KCNG2: variants seen among roughly 807,000 people sequenced by gnomAD.
KCNG2 encodes the protein potassium voltage-gated channel modifier subfamily G member 2.
A neutral mutation model predicts 12.3 loss-of-function variants in KCNG2; 7 were observed. The observed-to-expected ratio is 0.57, with a 90% CI of 0.32 to 1.07. The LOEUF (loss-of-function observed/expected upper bound fraction) is 1.07, where lower values mean the gene tolerates loss of function less well. Among genes scored for constraint, KCNG2 ranks in the 50% least tolerant of loss-of-function variants. The probability of loss-of-function intolerance (pLI) is 0.04; values close to 1 mark genes in which losing one functional copy is unlikely to be tolerated. For synonymous variants in KCNG2, 414 were observed against 351.4 expected, an observed-to-expected ratio of 1.18 and a Z score of -1.99; for missense variants, 703 against 726.0, an observed-to-expected ratio of 0.97 and a Z score of 0.36.
intron 1 of KCNG2, among the ~76,000 whole-genome samples, chr18:79,829,300 G>T (rs1365062508): frequency 6.6e-6 from 1 of 151,546 alleles, no homozygotes; most frequent in Non-Finnish European, 1.5e-5. Flanking sequence ...GCATGTATCT[G>T]TGTGTGTGTC....
intron 3 of KCNG2, among the ~76,000 whole-genome samples, chr18:79,895,016 G>A (rs906980365): frequency 6.6e-6 from 1 of 150,888 alleles, no homozygotes; most frequent in South Asian, 2.1e-4. Context: ...CTAGTGTTAC[G>A]ATTGATATAG....
At chr18:79,852,606 G>A (rs1978863012) in intron 1 of KCNG2, among the ~76,000 whole-genome samples, 1 of 152,274 alleles carries the variant, frequency 6.6e-6, no homozygotes. Flanking sequence ...CCCTGACAGT[G>A]ACGATCGCAT....
In KCNG2 at chr18:79,864,006, G is replaced by A; in HGVS notation, c.339G>A (p.Ala113=). Reference sequence around the variant, plus strand: ...TGGCCTACTGGGGCATCGACGAGGCGCGCCTGGAGCGCTGCTGCCTGCGCC... The same window carrying A: ...TGGCCTACTGGGGCATCGACGAGGCACGCCTGGAGCGCTGCTGCCTGCGCC... ...DELAYWGIDE[A]RLERCCLRRL... Residue 113 remains alanine (A), a synonymous_variant, in exon 3 of 4, where the codon GCG becomes GCA. Coordinates refer to ENST00000316249, the MANE Select transcript of KCNG2 (RefSeq NM_012283.2). 8.5e-7 allele frequency: 1 copy of A among 1,182,048 alleles called. No homozygotes were observed. The highest frequency in any genetic ancestry group is 1.0e-6 in the Non-Finnish European group (1 of 954,122). The allele number at this position is 1,182,048 out of a possible 1,614,324, so 73.2% of individuals were successfully genotyped here. A position where few individuals can be genotyped will look rare whatever the true frequency, so the allele number is the denominator to read the frequency against.
chr18:79,851,914 C>T (rs1433613720), intron 1 of KCNG2, among the ~76,000 whole-genome samples: 1 of 152,220 alleles, frequency 6.6e-6, no homozygotes, highest in Non-Finnish European at 1.5e-5. Flanking sequence ...GCTGTCAGTC[C>T]TCACAACAGC....
chr18:79,894,101 A>C (rs897338752), intron 3 of KCNG2, among the ~76,000 whole-genome samples: 26 of 151,090 alleles, frequency 1.7e-4, no homozygotes, highest in Admixed American at 1.1e-3. Context: ...CACGCCATTC[A>C]TAATGATTGA....
chr18:79,813,550 C>T (rs1307567935), intron 1 of KCNG2, among the ~76,000 whole-genome samples: 7 of 152,154 alleles, frequency 4.6e-5, no homozygotes, highest in African/African-American at 7.2e-5. Context: ...GGTGGGGTAG[C>T]GTGGAGGGAG....
chr18:79,888,224 G>T lies in KCNG2; in HGVS notation c.625-10816G>T, dbSNP rs374630581. Among the ~76,000 whole-genome samples the T allele has an allele frequency of 3.3e-5, 5 of 152,328 alleles. No homozygotes were observed. In the East Asian group the frequency reaches 7.7e-4, roughly 24 times the overall value. ...CCAGATTCAGTCCCGTCCACGCGGT[G>T]GGGACCACGTTTGGGGTGGCACGCT... On this transcript the variant is annotated intron_variant, in intron 3 of 3. Coordinates refer to ENST00000316249, the MANE Select transcript of KCNG2 (RefSeq NM_012283.2).
In KCNG2 at chr18:79,899,376, G is replaced by A. The variant is rs752015954; in HGVS notation, c.961G>A (p.Glu321Lys). The A allele has an allele frequency of 1.6e-5, 25 of 1,561,718 alleles. No homozygotes were observed. Among genetic ancestry groups the A allele is most frequent in the Non-Finnish European group, 2.0e-5 (23 of 1,159,932 alleles). ...LGLTMRRCAR[E>K]FGLLLLFLCV... ...CCTGACCATGCGCCGCTGCGCGCGC[G>A]AGTTCGGGCTGCTGCTGCTGTTCCT... is the stretch of plus-strand genomic sequence containing the variant. Residue 321 changes from glutamate to lysine, a missense_variant, in exon 4 of 4, where the codon GAG becomes AAG. Physicochemically the swap from Glu to Lys is moderately conservative, Grantham distance 56 (BLOSUM62 1). Transcript: ENST00000316249.
intron 1 of KCNG2, among the ~76,000 whole-genome samples, chr18:79,832,852 A>C (rs990015237): frequency 6.6e-6 from 1 of 152,094 alleles, no homozygotes. Context: ...CTCCTCTGGG[A>C]GGGCTCCTGC....
At chr18:79,867,176 G>C (rs995932477) in intron 3 of KCNG2, among the ~76,000 whole-genome samples, 3 of 151,714 alleles carry the variant, frequency 2.0e-5, no homozygotes, top group African/African-American at 7.3e-5. Context: ...GGTGCTGAGA[G>C]GTCTGGGTGC....
In KCNG2 at chr18:79,880,771, C is replaced by T. The variant is rs1441186647; in HGVS notation, c.624+16480C>T. ...CATCACGGCCAACTGAGGTTTTTCT[C>T]AGGAAAGCAAGCTTGGTTCGATACT... On this transcript the variant is annotated intron_variant, in intron 3 of 3. Transcript: ENST00000316249. 2.0e-5 allele frequency among the ~76,000 whole-genome samples: 3 copies of T among 152,192 alleles called. No homozygotes were observed. The East Asian group carries it at 5.8e-4, about 29-fold the overall frequency.
rs1242054654 is a variant in KCNG2, at chr18:79,822,444, GTTA to G, written c.-115+24436_-115+24438del. On this transcript the variant is annotated intron_variant, in intron 1 of 3. Transcript: ENST00000316249. This position sits in a 1 kb window ranked among gnomAD's most constrained non-coding sequence, Gnocchi z 4.4. Reference sequence around the variant, plus strand: ...TTTCACAATATTGATACTTTTTAAAGTTATTATTTTTTTGAGACAGGGTCTCAC... The same window carrying G: ...TTTCACAATATTGATACTTTTTAAAGTTATTTTTTTGAGACAGGGTCTCAC... Among the ~76,000 whole-genome samples, 1 of 152,108 alleles carries G rather than the reference GTTA, an allele frequency of 6.6e-6. No individual in the cohort carries two copies. The highest frequency in any genetic ancestry group is 2.4e-5 in the African/African-American group (1 of 41,410).
At chr18:79,863,571 G>T (rs1432246132) in intron 2 of KCNG2, 57 bp from the exon 3 acceptor site, 6 of 1,128,042 alleles carry the variant, frequency 5.3e-6, no homozygotes, top group South Asian at 4.4e-5. Context: ...CCCCGCGGGC[G>T]GACGCGCTCC....
intron 1 of KCNG2, among the ~76,000 whole-genome samples, chr18:79,828,942 C>A (rs1436665988): frequency 1.0e-5 from 1 of 98,610 alleles, no homozygotes; most frequent in Admixed American, 1.1e-4. Context: ...GTGTGTGTAA[C>A]GTGTCTGTGT....
chr18:79,899,324 C>G lies in KCNG2; in HGVS notation c.909C>G (p.Arg303=). The G allele has an allele frequency of 6.4e-7, 1 of 1,551,580 alleles. No individual in the cohort carries two copies. The highest frequency in any genetic ancestry group is 8.6e-7 in the Non-Finnish European group (1 of 1,158,590). The change falls in exon 4 of 4, where the codon CGC becomes CGG. Residue 303 remains arginine, a synonymous_variant. Coordinates refer to ENST00000316249, the MANE Select transcript of KCNG2 (RefSeq NM_012283.2). ...LRVLYVMRLA[R]HSLGLRSLGL... is the part of the protein sequence containing the mutation. The stretch of plus-strand genomic sequence containing the variant: ...TGCTCTACGTGATGCGCCTGGCGCG[C>G]CACTCGCTGGGGCTGCGTTCGCTGG...
chr18:79,828,086 GC>G (rs1194460397), intron 1 of KCNG2, among the ~76,000 whole-genome samples: 1 of 151,940 alleles, frequency 6.6e-6, no homozygotes, highest in African/African-American at 2.4e-5. Context: ...AACACACCCG[GC>G]TAATTCTTTG....
intron 3 of KCNG2, among the ~76,000 whole-genome samples, chr18:79,892,838 A>G (rs1980794737): frequency 1.3e-5 from 2 of 151,990 alleles, no homozygotes; most frequent in South Asian, 2.1e-4. Context: ...AACGATTGAT[A>G]TAGTTGGGTC....
intron 1 of KCNG2, among the ~76,000 whole-genome samples, chr18:79,852,660 C>T (rs964389129): frequency 1.3e-5 from 2 of 152,258 alleles, no homozygotes; most frequent in South Asian, 2.1e-4. Flanking sequence ...GGCTCACCAG[C>T]GCCTGCACCT....
At chr18:79,888,438 G>GAT (rs1980621090) in intron 3 of KCNG2, among the ~76,000 whole-genome samples, 1 of 133,086 alleles carries the variant, frequency 7.5e-6, no homozygotes, top group Admixed American at 7.5e-5. Flanking sequence ...GGTGGGGCCG[G>GAT]GACGGCGGCG....
Sources: gnomAD v4.1 joint callset for allele counts (sites outside exome capture counted in the v4.1 genomes callset) on GRCh38, gnomAD v4.1.1 for gene constraint, Gnocchi (gnomAD v3.1) non-coding constraint, MANE v1.5 for transcripts, NCBI Gene and HGNC (gene_info 2026-07-23, HGNC 2026-07-21) for gene names.